Variants in SNX14 observed in about 807,000 individuals in gnomAD.
The protein encoded by SNX14 is sorting nexin 14, also known as sorting nexin-14.
SNX14 carries 93 observed loss-of-function variants against 133.8 expected under a neutral mutation model. That is an observed-to-expected ratio of 0.70 (90% CI 0.59 to 0.83). The LOEUF (loss-of-function observed/expected upper bound fraction) is 0.83, where lower values mean the gene tolerates loss of function less well. Ranked by LOEUF, SNX14 falls within the 40% of genes least tolerant of loss-of-function variation. The pLI is 0.00. For missense variants in SNX14, 945 were observed against 1,094.9 expected, an observed-to-expected ratio of 0.86 and a Z score of 1.93; for synonymous variants, 368 against 365.6, an observed-to-expected ratio of 1.01 and a Z score of -0.07.
chr6:85,567,452 C>A, intron 5 of SNX14, 82 bp downstream of exon 5: 1 of 1,020,042 alleles, frequency 9.8e-7, no homozygotes, highest in Non-Finnish European at 1.4e-6. Flanking sequence ...TCCTGGTCTA[C>A]ATGAAAAACA....
chr6:85,526,525 G>A (rs925302752), intron 20 of SNX14, among the ~76,000 whole-genome samples: 1 of 152,006 alleles, frequency 6.6e-6, no homozygotes, highest in Non-Finnish European at 1.5e-5. Flanking sequence ...TATAAAATGA[G>A]AATAATGACA....
chr6:85,508,433 T>C (rs554737281), intron 26 of SNX14: 2 of 926,314 alleles, frequency 2.2e-6, no homozygotes, highest in East Asian at 1.1e-4. Context: ...CATCTGTACA[T>C]ACATGTATAG....
At chr6:85,546,255 G>T (rs983063085) in intron 12 of SNX14, among the ~76,000 whole-genome samples, 12 of 152,260 alleles carry the variant, frequency 7.9e-5, no homozygotes, top group African/African-American at 2.6e-4. Flanking sequence ...AGGTTACGTG[G>T]ATGTACACAC....
chr6:85,534,702 T>G (rs567672621), intron 17 of SNX14, among the ~76,000 whole-genome samples: 1 of 152,146 alleles, frequency 6.6e-6, no homozygotes, highest in Admixed American at 6.6e-5. Flanking sequence ...AAAAAATACA[T>G]CTTCTTCCAC....
At chr6:85,518,913 T>C (rs1775929607) in intron 21 of SNX14, among the ~76,000 whole-genome samples, 1 of 152,170 alleles carries the variant, frequency 6.6e-6, no homozygotes, top group Non-Finnish European at 1.5e-5. Flanking sequence ...TCAATCTGAT[T>C]TCAAATAAAA....
intron 21 of SNX14, among the ~76,000 whole-genome samples, chr6:85,524,136 G>A (rs1463456150): frequency 6.7e-6 from 1 of 149,822 alleles, no homozygotes; most frequent in African/African-American, 2.5e-5. Flanking sequence ...GAGCCAAGAT[G>A]GCACCACTGC....
At position 85,538,820 on chromosome 6, in the gene SNX14, C is replaced by T. The variant is rs1445162505; in HGVS notation, c.1475+18G>A. 2 of 1,582,560 alleles carry T rather than the reference C, an allele frequency of 1.3e-6. No individual in the cohort carries two copies. Among genetic ancestry groups the T allele is most frequent in the Non-Finnish European group, 1.7e-6 (2 of 1,167,320 alleles). ...AAAAACATTTAATACTGAAAAGAATCACATGCTCAAGACTTACCGAAAATC... is the reference window on the plus strand; with the variant it reads ...AAAAACATTTAATACTGAAAAGAATTACATGCTCAAGACTTACCGAAAATC... On this transcript the variant is annotated intron_variant, in intron 16 of 28. Transcript: ENST00000314673.
At chr6:85,557,928 G>T in intron 7 of SNX14, 48 bp downstream of exon 7, 1 of 998,042 alleles carries the variant, frequency 1.0e-6, no homozygotes, top group Non-Finnish European at 1.6e-6. Context: ...GGTGAAAATT[G>T]GTGTATAAAA....
intron 12 of SNX14, among the ~76,000 whole-genome samples, chr6:85,546,700 C>T (rs766103605): frequency 2.0e-5 from 3 of 152,016 alleles, no homozygotes; most frequent in South Asian, 2.1e-4. Flanking sequence ...CGGTGGCTCA[C>T]GCCTGTAACC....
intron 23 of SNX14, among the ~76,000 whole-genome samples, chr6:85,516,150 T>C (rs975578410): frequency 4.6e-5 from 7 of 152,246 alleles, no homozygotes; most frequent in Non-Finnish European, 1.0e-4. Flanking sequence ...TGTTGCTTTA[T>C]AGTTTTCATA....
chr6:85,505,967 T>G lies in SNX14; in HGVS notation c.2841A>C (p.Ter947TyrextTer8), dbSNP rs373228746. Reference sequence around the variant, plus strand: ...GTTATTCTATACCAAATCCAAGTGTTTACATCCAAGATGTCACAGAGGTAA... The same window carrying G: ...GTTATTCTATACCAAATCCAAGTGTGTACATCCAAGATGTCACAGAGGTAA... Reference protein sequence around the residue: ...KEVTSVTSWM* With the variant: ...KEVTSVTSWMY Residue 947 changes from the stop codon to tyrosine (Y), a stop_lost, in exon 29 of 29, where the codon TAA (stop) becomes TAC (tyrosine). Transcript: ENST00000314673. 4.4e-6 allele frequency: 7 copies of G among 1,601,012 alleles called. No individual in the cohort carries two copies. In the African/African-American group the frequency reaches 9.4e-5, roughly 21 times the overall value.
At chr6:85,529,002 A>C (rs1441922381) in intron 19 of SNX14, among the ~76,000 whole-genome samples, 4 of 151,382 alleles carry the variant, frequency 2.6e-5, no homozygotes, top group Non-Finnish European at 4.4e-5. Flanking sequence ...CTGGGAGTTG[A>C]GAGCACACCA....
chr6:85,550,258 G>C (rs1325516769), intron 7 of SNX14, among the ~76,000 whole-genome samples: 3 of 152,110 alleles, frequency 2.0e-5, no homozygotes, highest in Non-Finnish European at 4.4e-5. Context: ...TCTTTTCAAT[G>C]TGCATTCTTT....
chr6:85,514,700 T>C (rs951213871), intron 23 of SNX14, 71 bp from the exon 24 acceptor site: 107 of 1,474,738 alleles, frequency 7.3e-5, no homozygotes, highest in Non-Finnish European at 9.5e-5. Flanking sequence ...CAATAAGGAT[T>C]AAGTGTCACA....
chr6:85,526,275 A>G (rs535408665), intron 20 of SNX14, 38 bp from the exon 21 acceptor site: 2 of 1,276,084 alleles, frequency 1.6e-6, no homozygotes, highest in African/African-American at 3.0e-5. Context: ...ACAGTTTAGA[A>G]ATCTAGAGGA....
chr6:85,542,042 T>C lies in SNX14; in HGVS notation c.1391A>G (p.Tyr464Cys). ...FTPMFCHSDE[Y>C]FRQLLRGAES... ...TGCACCTCTTAAAAGTTGTCTGAAA[T>C]ACTTTAAAATAACAAATAATAATTA... The change falls in exon 15 of 29, where the codon TAT becomes TGT. Residue 464 changes from tyrosine to cysteine, a missense_variant and splice_region_variant. Physicochemically the swap from Tyr to Cys is radical, Grantham distance 194. Coordinates refer to ENST00000314673, the MANE Select transcript of SNX14 (RefSeq NM_153816.6). 1 of 1,559,586 alleles carries C rather than the reference T, an allele frequency of 6.4e-7. No individual in the cohort carries two copies. The highest frequency in any genetic ancestry group is 1.4e-5 in the African/African-American group (1 of 72,864).
intron 16 of SNX14, 84 bp downstream of exon 16, chr6:85,538,754 T>C: frequency 8.1e-7 from 1 of 1,238,190 alleles, no homozygotes; most frequent in South Asian, 1.4e-5. Flanking sequence ...TTCCATTTTT[T>C]TCCTTTTTAT....
chr6:85,533,083 C>T (rs890851055), intron 18 of SNX14, among the ~76,000 whole-genome samples: 12 of 152,210 alleles, frequency 7.9e-5, no homozygotes, highest in Admixed American at 3.9e-4. Flanking sequence ...TATAGGGTTT[C>T]GCCATGTGGG....
At chr6:85,562,093 T>A (rs924559318) in intron 6 of SNX14, among the ~76,000 whole-genome samples, 2 of 152,232 alleles carry the variant, frequency 1.3e-5, no homozygotes, top group Non-Finnish European at 2.9e-5. Context: ...AATGAGAACA[T>A]GCAATATTTG....
Sources: gnomAD v4.1 joint callset for allele counts (sites outside exome capture counted in the v4.1 genomes callset) on GRCh38, gnomAD v4.1.1 for gene constraint, MANE v1.5 for transcripts, NCBI Gene and HGNC (gene_info 2026-07-23, HGNC 2026-07-21) for gene names.